Variants in ERBB2 observed in about 807,000 individuals in gnomAD.
The protein encoded by ERBB2 is receptor tyrosine-protein kinase erbB-2.
Under a neutral mutation model 149.0 loss-of-function variants are expected in ERBB2, and 61 were observed. The ratio of observed to expected loss-of-function variants is 0.41; its 90% CI spans 0.33 to 0.51. The LOEUF is 0.51. Among genes scored for constraint, ERBB2 ranks in the 20% least tolerant of loss-of-function variants. The pLI, the probability that ERBB2 is intolerant of heterozygous loss-of-function variation, is 0.25. For synonymous variants in ERBB2, 633 were observed against 678.8 expected (o/e 0.93, Z 1.05); for missense variants, 1,205 against 1,655.1 (o/e 0.73, Z 4.72).
intron 7 of ERBB2, 44 bp downstream of exon 7, chr17:39,710,525 G>GGTT (rs986794942): frequency 1.2e-5 from 19 of 1,611,066 alleles, no homozygotes; most frequent in African/African-American, 2.7e-5. Context: ...TTGGTGGGGA[G>GGTT]GTTTGTTTCT....
Position 39,726,757 on chromosome 17 carries a change from G to A in ERBB2, c.2971-58G>A, listed in dbSNP as rs762141317. 21 of 1,594,146 alleles carry A rather than the reference G, an allele frequency of 1.3e-5. No individual in the cohort carries two copies. Among genetic ancestry groups the A allele is most frequent in the African/African-American group, 1.2e-4 (9 of 74,488 alleles). On this transcript the variant is annotated intron_variant, in intron 24 of 26. Transcript: ENST00000269571. This position sits in a 1 kb window ranked among gnomAD's most constrained non-coding sequence, Gnocchi z 5.1. Reference sequence around the variant, plus strand: ...GAGTCCAGTATGCCAGGCCCCTCACGGAAGGCTGCATGCTGGGCTGGGGAG... The same window carrying A: ...GAGTCCAGTATGCCAGGCCCCTCACAGAAGGCTGCATGCTGGGCTGGGGAG...
rs752263808 is a variant in ERBB2 at position 39,726,794 on chromosome 17, C to A, written c.2971-21C>A. On this transcript the variant is annotated intron_variant, in intron 24 of 26. Transcript: ENST00000269571. This position sits in a 1 kb window ranked among gnomAD's most constrained non-coding sequence, Gnocchi z 5.1. ...GCTGGGCTGGGGAGGGGCCACCATC[C>A]TGCCTCTCCTTCCTCCACAGAATGA... is the stretch of plus-strand genomic sequence containing the variant. 1.2e-6 allele frequency: 2 copies of A among 1,607,210 alleles called. No individual in the cohort carries two copies. The highest frequency in any genetic ancestry group is 1.7e-6 in the Non-Finnish European group (2 of 1,174,878).
In ERBB2 at chr17:39,723,924, C is replaced by T. The variant is rs2059589408; in HGVS notation, c.2221C>T (p.Pro741Ser). 1.2e-6 allele frequency: 2 copies of T among 1,613,672 alleles called. No homozygotes were observed. The highest frequency in any genetic ancestry group is 8.5e-7 in the Non-Finnish European group (1 of 1,179,722). Residue 741 changes from proline to serine, a missense_variant, in exon 19 of 27, where the codon CCT (proline) becomes TCT (serine). This residue lies in a region of ERBB2 where 152 missense variants were observed against 318.1 expected (regional missense o/e 0.48). Transcript: ENST00000269571. This position sits in a 1 kb window ranked among gnomAD's most constrained non-coding sequence, Gnocchi z 6.2. The part of the protein sequence containing the change: ...FGTVYKGIWI[P>S]DGENVKIPVA... ...TCTTTCTGCCCAGGGCATCTGGATC[C>T]CTGATGGGGAGAATGTGAAAATTCC...
chr17:39,710,570 C>G (rs1388190393), intron 7 of ERBB2, 89 bp downstream of exon 7: 1 of 1,469,832 alleles, frequency 6.8e-7, no homozygotes. Context: ...CTGTCTGCAT[C>G]TTGCTTTGAG....
rs369383388 is a variant in ERBB2, at chr17:39,712,087, T to C, written c.1021+40T>C. On this transcript the variant is annotated intron_variant, in intron 8 of 26. Transcript: ENST00000269571. ...CCCCCGAGGCCAGCTGCAGTTCCTG[T>C]CCCTCTGCGCATGCAGCCTGGCCCA... The C allele has an allele frequency of 7.3e-5, 118 of 1,613,366 alleles. No individual in the cohort carries two copies. The African/African-American group carries it at 7.5e-4, about 10-fold the overall frequency.
upstream of ERBB2, among the ~76,000 whole-genome samples, chr17:39,694,314 TACACAC>T (rs1160819477): frequency 9.7e-6 from 1 of 102,734 alleles, no homozygotes; most frequent in Non-Finnish European, 2.0e-5. Context: ...TATATATATA[TACACAC>T]ACACATATAT....
intron 7 of ERBB2, among the ~76,000 whole-genome samples, chr17:39,710,782 C>G (rs1215214645): frequency 6.6e-6 from 1 of 152,142 alleles, no homozygotes; most frequent in East Asian, 1.9e-4. Context: ...AAGAATAGTC[C>G]CAACTGCATA....
At chr17:39,690,802 T>A (rs992561595), upstream of ERBB2, among the ~76,000 whole-genome samples, 3 of 152,158 alleles carry the variant, frequency 2.0e-5, no homozygotes, top group Non-Finnish European at 4.4e-5. Flanking sequence ...TATTGAGTCC[T>A]CCTGTGTATC....
intron 1 of ERBB2, among the ~76,000 whole-genome samples, chr17:39,705,507 G>A (rs1490664734): frequency 2.6e-5 from 4 of 152,166 alleles, no homozygotes; most frequent in Non-Finnish European, 4.4e-5. Context: ...GGCATGGAGT[G>A]GGGAGGCCTC....
chr17:39,721,911 T>C (rs2059474262), intron 16 of ERBB2, among the ~76,000 whole-genome samples: 1 of 152,094 alleles, frequency 6.6e-6, no homozygotes, highest in Non-Finnish European at 1.5e-5. Flanking sequence ...TATTTTTATT[T>C]ATTTATTTAT....
chr17:39,689,354 T>G lies in ERBB2; in HGVS notation c.-277+554T>G, dbSNP rs1170448823. Among the ~76,000 whole-genome samples, 3 of 152,214 alleles carry G rather than the reference T, an allele frequency of 2.0e-5. No homozygotes were observed. The East Asian group carries it at 5.8e-4, about 29-fold the overall frequency. On this transcript the variant is annotated intron_variant, in intron 2 of 17. Coordinates refer to the ERBB2 transcript ENST00000578199. Reference sequence around the variant, plus strand: ...TGTCCCCTGGAGTTGACCACCCAACTGATACTGACTGAGAAGCTGAAATGA... The same window carrying G: ...TGTCCCCTGGAGTTGACCACCCAACGGATACTGACTGAGAAGCTGAAATGA...
intron 4 of ERBB2, 58 bp from the exon 5 acceptor site, chr17:39,709,755 A>AC (rs2058684973): frequency 2.7e-6 from 4 of 1,506,710 alleles, no homozygotes; most frequent in Non-Finnish European, 3.7e-6. Context: ...TCTGTTACTA[A>AC]CCCGTCCTCT....
chr17:39,693,533 A>G (rs759340402), upstream of ERBB2, among the ~76,000 whole-genome samples: 1 of 151,862 alleles, frequency 6.6e-6, no homozygotes, highest in Non-Finnish European at 1.5e-5. Flanking sequence ...CCAGCCTGGA[A>G]TGCCGTGGTG....
intron 1 of ERBB2, among the ~76,000 whole-genome samples, chr17:39,705,267 G>A (rs746229099): frequency 7.2e-5 from 11 of 152,210 alleles, no homozygotes; most frequent in Non-Finnish European, 1.5e-4. Context: ...GCTACAGGGG[G>A]TGGAGTCGGA....
rs2143305033 is a variant in ERBB2 at position 39,727,861 on chromosome 17, G to A, written c.3585G>A (p.Glu1195=). Residue 1195 remains glutamate (E), a synonymous_variant, in exon 27 of 27, where the codon GAG becomes GAA. Transcript: ENST00000269571. This position sits in a 1 kb window ranked among gnomAD's most constrained non-coding sequence, Gnocchi z 4.3. ...TTGGGGGTGCCGTGGAGAACCCCGA[G>A]TACTTGACACCCCAGGGAGGAGCTG... is the stretch of plus-strand genomic sequence containing the variant. ...FAFGGAVENP[E]YLTPQGGAAP... The A allele has an allele frequency of 6.2e-7, 1 of 1,614,110 alleles. No homozygotes were observed. Among genetic ancestry groups the A allele is most frequent in the Non-Finnish European group, 8.5e-7 (1 of 1,180,004 alleles).
chr17:39,699,497 C>T, upstream of ERBB2: 2 of 1,503,456 alleles, frequency 1.3e-6, no homozygotes, highest in South Asian at 1.3e-5. Context: ...TGACTGTCTC[C>T]TCCCAAATTT....
intron 15 of ERBB2, among the ~76,000 whole-genome samples, chr17:39,718,689 C>T (rs2059285616): frequency 6.6e-6 from 1 of 151,834 alleles, no homozygotes; most frequent in South Asian, 2.1e-4. Context: ...TTTGCTTTCC[C>T]CCCGACTTGA....
chr17:39,691,876 G>GATATAA (rs1350630088), upstream of ERBB2, among the ~76,000 whole-genome samples: 539 of 127,100 alleles, frequency 4.2e-3, 1 homozygote, highest in Non-Finnish European at 6.7e-3. Context: ...GATAGATATA[G>GATATAA]ATATAGATAT....
chr17:39,712,944 A>C (rs944933167), intron 9 of ERBB2, among the ~76,000 whole-genome samples: 1 of 151,990 alleles, frequency 6.6e-6, no homozygotes, highest in Non-Finnish European at 1.5e-5. Context: ...CGAAAAAACC[A>C]CTCTGTGGTG....
Sources: gnomAD v4.1 joint callset for allele counts (sites outside exome capture counted in the v4.1 genomes callset) on GRCh38, gnomAD v4.1.1 for gene constraint, gnomAD v4.1.1 regional missense constraint, Gnocchi (gnomAD v3.1) non-coding constraint, MANE v1.5 for transcripts, NCBI Gene and HGNC (gene_info 2026-07-23, HGNC 2026-07-21) for gene names.